TRIO: variants seen among roughly 807,000 people sequenced by gnomAD.
The protein encoded by TRIO is trio Rho guanine nucleotide exchange factor, also known as triple functional domain protein.
A neutral mutation model predicts 351.9 loss-of-function variants in TRIO; 58 were observed. The ratio of observed to expected loss-of-function variants is 0.16; its 90% confidence interval spans 0.13 to 0.21. TRIO has a LOEUF of 0.21. Ranked by LOEUF, TRIO falls within the 10% of genes least tolerant of loss-of-function variation. The pLI, the probability that TRIO is intolerant of heterozygous loss-of-function variation, is 1.00. For synonymous variants in TRIO, 1,758 were observed against 1,595.7 expected, an observed-to-expected ratio of 1.10 and a Z score of -2.42; for missense variants, 3,201 against 4,027.8, an observed-to-expected ratio of 0.79 and a Z score of 5.56.
At chr5:14,261,101 G>T (rs1050607313) in intron 1 of TRIO, among the ~76,000 whole-genome samples, 4 of 152,228 alleles carry the variant, frequency 2.6e-5, no homozygotes, top group African/African-American at 9.6e-5. Context: ...AGGAGGTAAG[G>T]CTGGGGTAGA....
At chr5:14,207,318 TCACACACACACACA>T (rs371912129) in intron 1 of TRIO, among the ~76,000 whole-genome samples, 2 of 11,054 alleles carry the variant, frequency 1.8e-4, no homozygotes, top group Admixed American at 1.1e-3. Context: ...AGACTGTCTC[TCACACACACACACA>T]CACACACACA....
chr5:14,410,671 G>T (rs371764318), intron 33 of TRIO, among the ~76,000 whole-genome samples: 1 of 152,188 alleles, frequency 6.6e-6, no homozygotes. Flanking sequence ...TGGGTCGGGG[G>T]ATGTTTTTGA....
In TRIO at chr5:14,498,575, T is replaced by A; in HGVS notation, c.8267T>A (p.Ile2756Asn). ...GGCGTGACCACGGAAGATGACGGCA[T>A]CTACACGTGCATCGCTGTCAATGAC... is the stretch of plus-strand genomic sequence containing the variant. ...IVGVTTEDDG[I>N]YTCIAVNDMG... The change falls in exon 53 of 57, where the codon ATC becomes AAC. Residue 2756 changes from isoleucine to asparagine, a missense_variant. Transcript: ENST00000344204. 1 of 1,614,206 alleles carries A rather than the reference T, an allele frequency of 6.2e-7. No individual in the cohort carries two copies. The highest frequency in any genetic ancestry group is 8.5e-7 in the Non-Finnish European group (1 of 1,180,020).
At chr5:14,369,596 C>A in intron 18 of TRIO, 73 bp downstream of exon 18, 1 of 1,500,450 alleles carries the variant, frequency 6.7e-7, no homozygotes, top group South Asian at 1.3e-5. Context: ...GCACAGTCAT[C>A]GCTTCCCAAG....
chr5:14,482,660 C>A lies in TRIO; in HGVS notation c.6544C>A (p.Arg2182Ser). 1.2e-6 allele frequency: 2 copies of A among 1,609,012 alleles called. No homozygotes were observed. Among genetic ancestry groups the A allele is most frequent in the Non-Finnish European group, 1.7e-6 (2 of 1,176,674 alleles). ...VTDQDAGLLP[R>S]CRERRIFLFE... is the part of the protein sequence containing the mutation. ...AGACCAAGATGCAGGACTTCTGCCT[C>A]GCTGCAGAGAGAGGCGCATCTTCCT... The change falls in exon 46 of 57, where the codon CGC becomes AGC. Residue 2182 changes from arginine (R) to serine (S), a missense_variant. Coordinates refer to ENST00000344204, the MANE Select transcript of TRIO (RefSeq NM_007118.4).
chr5:14,147,331 G>A lies in TRIO; in HGVS notation c.157+3449G>A, dbSNP rs562077186. 2.0e-5 allele frequency among the ~76,000 whole-genome samples: 3 copies of A among 152,242 alleles called. No individual in the cohort carries two copies. The South Asian group carries it at 6.2e-4, about 32-fold the overall frequency. ...CCTGGTCGCTTCTCATAGCCAGGAC[G>A]TTGCTTACATTAGTTCTCAACCCCA... On this transcript the variant is annotated intron_variant, in intron 1 of 56. Transcript: ENST00000344204.
At chr5:14,337,466 T>C (rs1229805729) in intron 11 of TRIO, among the ~76,000 whole-genome samples, 4 of 152,186 alleles carry the variant, frequency 2.6e-5, no homozygotes, top group African/African-American at 4.8e-5. Context: ...CCTGCGTCAC[T>C]GAGGACCTTC....
chr5:14,434,597 C>T (rs563692581), intron 34 of TRIO, among the ~76,000 whole-genome samples: 2 of 152,304 alleles, frequency 1.3e-5, no homozygotes, highest in East Asian at 1.9e-4. Flanking sequence ...CCAATAGTAA[C>T]ATCTCACATA....
chr5:14,508,193 A>G lies in TRIO; in HGVS notation c.9065A>G (p.Lys3022Arg), dbSNP rs755775534. 1.9e-6 allele frequency: 3 copies of G among 1,614,156 alleles called. No individual in the cohort carries two copies. The highest frequency in any genetic ancestry group is 1.6e-4 in the Middle Eastern group (1 of 6,062). Residue 3022 changes from lysine (K) to arginine (R), a missense_variant, in exon 57 of 57, where the codon AAG becomes AGG. Physicochemically the swap from Lys to Arg is conservative, Grantham distance 26. Transcript: ENST00000344204. ...PDDYFKGVSQ[K>R]AKEFVCFLLQ... ...GACTACTTTAAAGGAGTGAGCCAGA[A>G]GGCCAAGGAGTTCGTGTGCTTCCTC...
At chr5:14,454,556 C>G (rs972242344) in intron 34 of TRIO, among the ~76,000 whole-genome samples, 1 of 152,156 alleles carries the variant, frequency 6.6e-6, no homozygotes, top group South Asian at 2.1e-4. Context: ...TATGCATAGG[C>G]TGAGAAATAA....
At chr5:14,242,029 G>T (rs1419249503) in intron 1 of TRIO, among the ~76,000 whole-genome samples, 2 of 152,186 alleles carry the variant, frequency 1.3e-5, no homozygotes, top group Non-Finnish European at 2.9e-5. Context: ...CAAAACTCTT[G>T]CCTGTATCAA....
In TRIO at chr5:14,335,309, C is replaced by T. The variant is rs1052737789; in HGVS notation, c.1855-1227C>T. ...CCTCACATCCTGCTCAGACCCTCACCGATGAGACGCCTTCCCTGCTCATCT... is the reference window on the plus strand; with the variant it reads ...CCTCACATCCTGCTCAGACCCTCACTGATGAGACGCCTTCCCTGCTCATCT... On this transcript the variant is annotated intron_variant, in intron 10 of 56. Coordinates refer to ENST00000344204, the MANE Select transcript of TRIO (RefSeq NM_007118.4). Among the ~76,000 whole-genome samples, 51 of 152,148 alleles carry T rather than the reference C, an allele frequency of 3.4e-4. 1 individual carries two copies. Among genetic ancestry groups the T allele is most frequent in the East Asian group, 1.9e-4 (1 of 5,174 alleles).
chr5:14,167,340 A>T (rs1471726368), intron 1 of TRIO, among the ~76,000 whole-genome samples: 1 of 151,728 alleles, frequency 6.6e-6, no homozygotes, highest in African/African-American at 2.4e-5. Context: ...CTGTCTCCCC[A>T]TTTCCATACT....
At chr5:14,199,834 T>C (rs1411358176) in intron 1 of TRIO, among the ~76,000 whole-genome samples, 3 of 152,104 alleles carry the variant, frequency 2.0e-5, no homozygotes, top group African/African-American at 4.8e-5. Context: ...GTTTCTTCAG[T>C]TGGAAGTAAG....
At chr5:14,412,198 G>C (rs1038371095) in intron 33 of TRIO, among the ~76,000 whole-genome samples, 8 of 152,058 alleles carry the variant, frequency 5.3e-5, no homozygotes, top group African/African-American at 1.9e-4. Flanking sequence ...ATGTTGGCCA[G>C]GCTGGTCTCG....
At chr5:14,214,176 G>C (rs1792085144) in intron 1 of TRIO, among the ~76,000 whole-genome samples, 1 of 152,210 alleles carries the variant, frequency 6.6e-6, no homozygotes, top group Admixed American at 6.5e-5. Flanking sequence ...GAAACCTAGA[G>C]AAGGGCTGGG....
intron 1 of TRIO, 132 bp from the exon 2 acceptor site, chr5:14,270,693 C>A: frequency 1.4e-6 from 1 of 702,488 alleles, no homozygotes; most frequent in Non-Finnish European, 2.5e-6. Context: ...AAATGTTGTG[C>A]TATGATCATG....
At chr5:14,145,551 C>T (rs2152111926) in intron 1 of TRIO, among the ~76,000 whole-genome samples, 1 of 151,950 alleles carries the variant, frequency 6.6e-6, no homozygotes, top group Admixed American at 6.5e-5. Context: ...CCCGTCTTAC[C>T]TCTTAATAGC....
At chr5:14,481,171 AAT>A (rs1755483176) in intron 43 of TRIO, 61 bp from the exon 44 acceptor site, 6 of 1,557,236 alleles carry the variant, frequency 3.9e-6, no homozygotes, top group African/African-American at 1.4e-5. Flanking sequence ...TAAAAAAAAA[AAT>A]AAAAGGTCAG....
Sources: gnomAD v4.1 joint callset for allele counts (sites outside exome capture counted in the v4.1 genomes callset) on GRCh38, gnomAD v4.1.1 for gene constraint, MANE v1.5 for transcripts, NCBI Gene and HGNC (gene_info 2026-07-23, HGNC 2026-07-21) for gene names.